Variants in HDAC9 observed in about 807,000 individuals in gnomAD.
The protein encoded by HDAC9 is histone deacetylase 9.
A neutral mutation model predicts 139.4 loss-of-function variants in HDAC9; 41 were observed. The observed-to-expected ratio is 0.29, with a 90% confidence interval of 0.23 to 0.38. HDAC9 has a LOEUF of 0.38. HDAC9 is among the 10% of genes least tolerant of loss of function. The pLI, the probability that HDAC9 is intolerant of heterozygous loss-of-function variation, is 1.00. For missense variants in HDAC9, 1,147 were observed against 1,297.0 expected (o/e 0.88, Z 1.78); for synonymous variants, 517 against 476.2 (o/e 1.09, Z -1.12).
chr7:18,757,341 C>T (rs1236619352), intron 14 of HDAC9, among the ~76,000 whole-genome samples: 1 of 152,050 alleles, frequency 6.6e-6, no homozygotes. Flanking sequence ...CCTGGTATGT[C>T]ACCACTTTGA....
intron 2 of HDAC9, among the ~76,000 whole-genome samples, chr7:18,251,036 A>G (rs1463501636): frequency 2.0e-5 from 3 of 152,178 alleles, no homozygotes; most frequent in East Asian, 1.9e-4. Flanking sequence ...AAATCATTCT[A>G]TTATAAAAAT....
At chr7:18,559,891 A>G (rs1820058711) in intron 2 of HDAC9, among the ~76,000 whole-genome samples, 1 of 152,348 alleles carries the variant, frequency 6.6e-6, no homozygotes, top group Admixed American at 6.5e-5. Context: ...CCACCTAAAT[A>G]TAAGTCTTAC....
intron 1 of HDAC9, among the ~76,000 whole-genome samples, chr7:18,448,362 A>T (rs1231982600): frequency 1.3e-5 from 2 of 152,220 alleles, no homozygotes. Context: ...TATATTAATA[A>T]CAATAATGCA....
chr7:18,285,662 T>C (rs1341975258), upstream of HDAC9, among the ~76,000 whole-genome samples: 2 of 152,130 alleles, frequency 1.3e-5, no homozygotes, highest in Non-Finnish European at 2.9e-5. Flanking sequence ...TAATGTTTCA[T>C]AATTTACATT....
At chr7:18,496,507 A>G (rs1796987375) in intron 2 of HDAC9, 183 bp downstream of exon 2, 1 of 593,384 alleles carries the variant, frequency 1.7e-6, no homozygotes, top group East Asian at 2.8e-5. Context: ...GTGCATATTC[A>G]GTCTGCTTAG....
chr7:18,945,645 T>C (rs1782326467), intron 23 of HDAC9, among the ~76,000 whole-genome samples: 2 of 152,224 alleles, frequency 1.3e-5, no homozygotes, highest in Admixed American at 6.5e-5. Flanking sequence ...TTTAGATGCA[T>C]AGTTCATCTG....
intron 17 of HDAC9, among the ~76,000 whole-genome samples, chr7:18,810,215 A>G (rs1229993802): frequency 2.6e-5 from 4 of 152,050 alleles, no homozygotes; most frequent in Non-Finnish European, 1.5e-5. Flanking sequence ...ATTAAAAACA[A>G]CAACAATAAC....
In HDAC9 at chr7:18,244,800, C is replaced by A. The variant is rs1465462709; in HGVS notation, c.25+82451C>A. Among the ~76,000 whole-genome samples, 6 of 129,268 alleles carry A rather than the reference C, an allele frequency of 4.6e-5. No individual in the cohort carries two copies. The South Asian group carries it at 1.8e-3, about 38-fold the overall frequency. The allele number at this position is 129,268 out of a possible 152,430, so 84.8% of individuals were successfully genotyped here. A position where few individuals can be genotyped will look rare whatever the true frequency, so the allele number is the denominator to read the frequency against. On this transcript the variant is annotated intron_variant, in intron 2 of 12. Transcript: ENST00000417496. ...GCGACAGAGTGAGAGACAGAGTGAG[C>A]CTCTGTCTCAAAAATAATAATAATA... is the stretch of plus-strand genomic sequence containing the variant.
rs1407134916 is a variant in HDAC9, at chr7:18,131,486, T to TAAG, written c.-96-30739_-96-30737dup. On this transcript the variant is annotated intron_variant, in intron 1 of 12. Transcript: ENST00000417496. ...TGCTTTACTACCAAAGAAAAGGAAT[T>TAAG]AAGAAGTATTAATAATCTTCATTTG... 2.0e-5 allele frequency among the ~76,000 whole-genome samples: 3 copies of TAAG among 152,304 alleles called. No individual in the cohort carries two copies. In the East Asian group the frequency reaches 5.8e-4, roughly 29 times the overall value.
At chr7:18,287,680 C>T (rs185672211), upstream of HDAC9, among the ~76,000 whole-genome samples, 4 of 152,346 alleles carry the variant, frequency 2.6e-5, no homozygotes, top group Admixed American at 2.0e-4. Context: ...CATTCCTGCC[C>T]TGGTCTCCTT....
chr7:18,806,251 G>A (rs2588594), intron 17 of HDAC9, among the ~76,000 whole-genome samples: 51,896 of 152,012 alleles, frequency 0.34, 10,663 homozygotes, highest in African/African-American at 0.58. Flanking sequence ...CCCCAAATTT[G>A]GTGGCTTAAA....
At chr7:18,937,515 T>G (rs1278902313) in intron 23 of HDAC9, among the ~76,000 whole-genome samples, 1 of 152,196 alleles carries the variant, frequency 6.6e-6, no homozygotes, top group Non-Finnish European at 1.5e-5. Context: ...TGTTGAGTGT[T>G]TTTTTGTGGC....
chr7:18,679,906 A>T lies in HDAC9; in HGVS notation c.1731+13430A>T, dbSNP rs138469238. On this transcript the variant is annotated intron_variant, in intron 12 of 25. Coordinates refer to ENST00000686413, the MANE Select transcript of HDAC9 (RefSeq NM_178425.4). Reference sequence around the variant, plus strand: ...TGATTCTACATTTTCTATGTCTCTAAGTTAAAAGTGCCTTGCAGTCTTCTA... The same window carrying T: ...TGATTCTACATTTTCTATGTCTCTATGTTAAAAGTGCCTTGCAGTCTTCTA... Among the ~76,000 whole-genome samples the T allele has an allele frequency of 2.4e-3, 358 of 152,026 alleles. 1 individual carries two copies. The highest frequency in any genetic ancestry group is 8.2e-3 in the African/African-American group (342 of 41,522).
chr7:18,972,596 G>T (rs1784314840), intron 24 of HDAC9, among the ~76,000 whole-genome samples: 1 of 152,116 alleles, frequency 6.6e-6, no homozygotes, highest in Admixed American at 6.5e-5. Context: ...GGCCAGGCTG[G>T]TCTCAAATTC....
At chr7:18,105,188 G>A (rs1449164965) in intron 1 of HDAC9, among the ~76,000 whole-genome samples, 9 of 59,390 alleles carry the variant, frequency 1.5e-4, no homozygotes, top group African/African-American at 4.3e-4. Flanking sequence ...CATCTAGGAT[G>A]CTTTCTAGAT....
chr7:18,105,658 G>A (rs539954972), intron 1 of HDAC9, among the ~76,000 whole-genome samples: 25 of 151,228 alleles, frequency 1.7e-4, no homozygotes, highest in African/African-American at 6.1e-4. Context: ...TGCAAAATGG[G>A]CACAGCCACT....
chr7:18,896,443 C>A (rs1313493170), intron 22 of HDAC9, among the ~76,000 whole-genome samples: 2 of 151,986 alleles, frequency 1.3e-5, no homozygotes, highest in Non-Finnish European at 2.9e-5. Flanking sequence ...CATTAAGTGC[C>A]ACTGAATGTC....
At chr7:18,825,411 T>A (rs1341765525) in intron 17 of HDAC9, among the ~76,000 whole-genome samples, 1 of 151,902 alleles carries the variant, frequency 6.6e-6, no homozygotes, top group Non-Finnish European at 1.5e-5. Context: ...AGAAAAGTCT[T>A]GTGAAAAGGA....
At chr7:18,810,145 G>A (rs1407644616) in intron 17 of HDAC9, among the ~76,000 whole-genome samples, 1 of 151,800 alleles carries the variant, frequency 6.6e-6, no homozygotes, top group East Asian at 1.9e-4. Flanking sequence ...AAATAGTTGA[G>A]CTCATAGAAA....
Sources: gnomAD v4.1 joint callset for allele counts (sites outside exome capture counted in the v4.1 genomes callset) on GRCh38, gnomAD v4.1.1 for gene constraint, MANE v1.5 for transcripts, NCBI Gene and HGNC (gene_info 2026-07-23, HGNC 2026-07-21) for gene names.